Variants in HDAC8 observed in about 807,000 individuals in gnomAD.
HDAC8 encodes the protein histone deacetylase 8.
HDAC8 carries 1 observed loss-of-function variant against 32.2 expected under a neutral mutation model. The observed-to-expected ratio is 0.03, with a 90% confidence interval of 0.01 to 0.15. The LOEUF is 0.15. Among genes scored for constraint, HDAC8 ranks in the 10% least tolerant of loss-of-function variants. HDAC8 has a pLI of 1.00. For synonymous variants in HDAC8, 108 were observed against 113.9 expected (o/e 0.95, Z 0.33); for missense variants, 117 against 300.0 (o/e 0.39, Z 4.51).
intron 4 of HDAC8, among the ~76,000 whole-genome samples, chrX:72,563,006 C>T (rs1237925117): frequency 1.8e-5 from 2 of 108,625 alleles, no homozygotes; most frequent in Non-Finnish European, 3.8e-5. Flanking sequence ...CTCAGCCTCC[C>T]GAGTAGCTGG....
At chrX:72,337,196 T>C (rs1027882039) in intron 10 of HDAC8, among the ~76,000 whole-genome samples, 2 of 112,510 alleles carry the variant, frequency 1.8e-5, no homozygotes, top group Non-Finnish European at 3.7e-5. Flanking sequence ...TCTTAATCTT[T>C]TTAATGTGGA....
At chrX:72,515,598 T>TG (rs1436119028) in intron 4 of HDAC8, among the ~76,000 whole-genome samples, 1 of 22,158 alleles carries the variant, frequency 4.5e-5, no homozygotes, top group Non-Finnish European at 8.0e-5. Context: ...GGGGGGGGGG[T>TG]GGGGGGGAAG....
chrX:72,450,841 T>A (rs1381591014), intron 9 of HDAC8, among the ~76,000 whole-genome samples: 1 of 110,497 alleles, frequency 9.1e-6, no homozygotes, highest in Non-Finnish European at 1.9e-5. Context: ...AAAAAAAAAA[T>A]AAAGAAATAC....
intron 10 of HDAC8, among the ~76,000 whole-genome samples, chrX:72,347,711 G>T (rs782306631): frequency 4.8e-4 from 54 of 112,122 alleles, no homozygotes; most frequent in Non-Finnish European, 9.0e-4. Flanking sequence ...GGTTCACCGT[G>T]AGCCAGTTCC....
At chrX:72,475,490 G>A (rs2048305481) in intron 7 of HDAC8, among the ~76,000 whole-genome samples, 1 of 111,647 alleles carries the variant, frequency 9.0e-6, no homozygotes, top group African/African-American at 3.3e-5. Flanking sequence ...TCTGAGCTCA[G>A]GTACTGCTGA....
At chrX:72,425,932 T>G (rs782680274) in intron 9 of HDAC8, among the ~76,000 whole-genome samples, 25 of 112,218 alleles carry the variant, frequency 2.2e-4, no homozygotes, top group Non-Finnish European at 4.5e-4. Flanking sequence ...GTTCCCTGAT[T>G]GTTTGAGACA....
chrX:72,347,164 T>G (rs2044053706), intron 10 of HDAC8, among the ~76,000 whole-genome samples: 1 of 111,863 alleles, frequency 8.9e-6, no homozygotes, highest in African/African-American at 3.3e-5. Context: ...CTATCCTCCC[T>G]GAGCCTCAGT....
intron 9 of HDAC8, among the ~76,000 whole-genome samples, chrX:72,401,071 AT>A (rs1161747605): frequency 1.8e-5 from 2 of 112,012 alleles, no homozygotes; most frequent in Non-Finnish European, 1.9e-5. Context: ...GTGTGAACAT[AT>A]GTTTTCATTG....
chrX:72,437,195 G>A (rs1375694940), intron 9 of HDAC8, among the ~76,000 whole-genome samples: 3 of 111,783 alleles, frequency 2.7e-5, no homozygotes, highest in Non-Finnish European at 3.8e-5. Flanking sequence ...AGGGTGAGCT[G>A]AAGCAGGGTG....
chrX:72,534,130 A>G (rs1010169401), intron 4 of HDAC8, among the ~76,000 whole-genome samples: 4 of 110,201 alleles, frequency 3.6e-5, no homozygotes, highest in African/African-American at 1.3e-4. Context: ...GGAGTCTACT[A>G]AAAAAACTAT....
chrX:72,524,922 C>A (rs1041864511), intron 4 of HDAC8, among the ~76,000 whole-genome samples: 36 of 111,774 alleles, frequency 3.2e-4, no homozygotes, highest in Admixed American at 2.5e-3. Flanking sequence ...AGCCCCCAAC[C>A]TTTTTGGCCT....
chrX:72,497,850 CTAAG>C (rs2049076716), intron 4 of HDAC8, among the ~76,000 whole-genome samples: 1 of 111,638 alleles, frequency 9.0e-6, no homozygotes, highest in African/African-American at 3.2e-5. Flanking sequence ...TAGACCATTT[CTAAG>C]TAAGAGAATG....
At chrX:72,487,151 GC>G (rs2048701959) in intron 7 of HDAC8, among the ~76,000 whole-genome samples, 1 of 111,531 alleles carries the variant, frequency 9.0e-6, no homozygotes, top group Non-Finnish European at 1.9e-5. Context: ...GATGTGGGTG[GC>G]ATCATGCTTT....
intron 9 of HDAC8, among the ~76,000 whole-genome samples, chrX:72,379,566 C>T (rs1208897239): frequency 4.3e-5 from 4 of 94,005 alleles, no homozygotes; most frequent in East Asian, 3.5e-4. Context: ...GGCGTGATCT[C>T]GGCTCATCAC....
intron 9 of HDAC8, among the ~76,000 whole-genome samples, chrX:72,445,028 A>G (rs1555984039): frequency 9.3e-6 from 1 of 107,018 alleles, no homozygotes; most frequent in South Asian, 4.2e-4. Flanking sequence ...CAATGAAATA[A>G]AAGAGGATAC....
intron 9 of HDAC8, among the ~76,000 whole-genome samples, chrX:72,433,478 T>G (rs1471173261): frequency 2.7e-5 from 3 of 112,324 alleles, no homozygotes; most frequent in African/African-American, 9.7e-5. Flanking sequence ...AATGAAGGAT[T>G]AATAAGCTCT....
intron 10 of HDAC8, among the ~76,000 whole-genome samples, chrX:72,351,110 CCT>C (rs1442046870): frequency 9.0e-6 from 1 of 111,006 alleles, no homozygotes; most frequent in Non-Finnish European, 1.9e-5. Context: ...CTTGAATTTT[CCT>C]CTTTTTTTTT....
In HDAC8 at chrX:72,529,835, T is replaced by C. The variant is rs782363778; in HGVS notation, c.438-34567A>G. On this transcript the variant is annotated intron_variant, in intron 4 of 10. Transcript: ENST00000373573. ...GTAGGGGGGACCTGGTGGGAGGTGA[T>C]TGGATCATGGGGGTGGATTTCCCCC... Among the ~76,000 whole-genome samples, 20 of 111,580 alleles carry C rather than the reference T, an allele frequency of 1.8e-4. No individual in the cohort carries two copies. The East Asian group carries it at 4.8e-3, about 27-fold the overall frequency.
At chrX:72,521,286 TC>T (rs1332659198) in intron 4 of HDAC8, among the ~76,000 whole-genome samples, 1 of 111,313 alleles carries the variant, frequency 9.0e-6, no homozygotes, top group Non-Finnish European at 1.9e-5. Flanking sequence ...TCTCCCTTTT[TC>T]CCCCTCTCTC....
Sources: allele counts gnomAD v4.1 joint callset (sites outside exome capture counted in the v4.1 genomes callset), GRCh38; gene constraint gnomAD v4.1.1; transcripts MANE v1.5; gene names NCBI Gene and HGNC (gene_info 2026-07-23, HGNC 2026-07-21).